The following HBP1 variants were observed in gnomAD, a reference collection of about 807,000 sequenced individuals.
The protein encoded by HBP1 is HMG box-containing protein 1.
HBP1 carries 20 observed loss-of-function variants against 62.6 expected under a neutral mutation model. The ratio of observed to expected loss-of-function variants is 0.32; its 90% CI spans 0.22 to 0.46. HBP1 has a LOEUF of 0.46. HBP1 is among the 20% of genes least tolerant of loss of function. HBP1 has a pLI of 1.00. For synonymous variants in HBP1, 232 were observed against 206.2 expected (o/e 1.12, Z -1.07); for missense variants, 480 against 611.8 (o/e 0.78, Z 2.27).
chr7:107,190,084 ATTTTT>A, intron 7 of HBP1, 84 bp from the exon 8 acceptor site: 1 of 931,972 alleles, frequency 1.1e-6, no homozygotes, highest in Non-Finnish European at 1.6e-6. Context: ...ATAACATTTT[ATTTTT>A]AAGATATAGA....
intron 7 of HBP1, 28 bp downstream of exon 7, chr7:107,189,476 C>T: frequency 6.5e-7 from 1 of 1,546,458 alleles, no homozygotes. Context: ...TTTGTAGTAA[C>T]TTTTTTTAAA....
At chr7:107,194,014 G>A (rs1375001416) in intron 8 of HBP1, among the ~76,000 whole-genome samples, 5 of 152,174 alleles carry the variant, frequency 3.3e-5, no homozygotes, top group East Asian at 1.9e-4. Flanking sequence ...CTAAGCTTAA[G>A]GAATGGCATG....
chr7:107,199,270 C>T (rs1325524371), intron 9 of HBP1, among the ~76,000 whole-genome samples: 3 of 152,004 alleles, frequency 2.0e-5, no homozygotes, highest in Non-Finnish European at 2.9e-5. Flanking sequence ...GATGGGGTGA[C>T]GGGGTTTCAC....
intron 1 of HBP1, among the ~76,000 whole-genome samples, chr7:107,175,278 A>G (rs1386249771): frequency 6.6e-6 from 1 of 152,052 alleles, no homozygotes; most frequent in African/African-American, 2.4e-5. Context: ...TGTACATTGA[A>G]GGTTTGCTTT....
intron 6 of HBP1, among the ~76,000 whole-genome samples, chr7:107,187,356 AATTAT>A (rs1797438687): frequency 6.6e-6 from 1 of 152,326 alleles, no homozygotes; most frequent in Admixed American, 6.5e-5. Flanking sequence ...ATTGAAAGCC[AATTAT>A]ATTAAGTTAC....
intron 9 of HBP1, chr7:107,197,010 G>T (rs1040718473): frequency 6.6e-6 from 1 of 152,180 alleles, no homozygotes; most frequent in Non-Finnish European, 1.5e-5. Flanking sequence ...GTCAACTATG[G>T]ATTGTACGGG....
intron 6 of HBP1, among the ~76,000 whole-genome samples, chr7:107,187,556 A>AAT (rs1797453018): frequency 6.6e-6 from 1 of 152,098 alleles, no homozygotes; most frequent in African/African-American, 2.4e-5. Flanking sequence ...TCTTGTTTTG[A>AAT]TCCTGCTATG....
chr7:107,170,841 T>C (rs748002304), intron 1 of HBP1, among the ~76,000 whole-genome samples: 5 of 151,208 alleles, frequency 3.3e-5, no homozygotes, highest in Non-Finnish European at 7.4e-5. Context: ...TCCGCTATCC[T>C]GTGTGCTTCA....
rs1797157193 is a variant in HBP1, at chr7:107,182,496, TACCAGAAAC to T, written c.294_302del (p.Pro99_Thr101del). On this transcript the variant is annotated inframe_deletion, in exon 3 of 11. Coordinates refer to ENST00000222574, the MANE Select transcript of HBP1 (RefSeq NM_012257.4). ...TCTTGGAACCAAAATACCTCAGACA[TACCAGAAAC>T]TACTTACCGTGAAAATGAGGTGGAC... is the stretch of plus-strand genomic sequence containing the variant. 1.2e-6 allele frequency: 2 copies of T among 1,612,628 alleles called. No homozygotes were observed. Among genetic ancestry groups the T allele is most frequent in the Non-Finnish European group, 1.7e-6 (2 of 1,178,776 alleles).
intron 3 of HBP1, among the ~76,000 whole-genome samples, chr7:107,182,807 G>A (rs1217598690): frequency 1.3e-5 from 2 of 152,032 alleles, no homozygotes; most frequent in Non-Finnish European, 2.9e-5. Flanking sequence ...GTGATAAAGA[G>A]AACCATAGAG....
intron 1 of HBP1, among the ~76,000 whole-genome samples, chr7:107,175,716 C>CTTTT (rs1215594002): frequency 1.5e-5 from 2 of 136,512 alleles, no homozygotes; most frequent in South Asian, 2.3e-4. Context: ...TCCCTCTCTT[C>CTTTT]TTTTTTTTTT....
chr7:107,184,842 AC>A, intron 3 of HBP1, among the ~76,000 whole-genome samples: 1 of 152,260 alleles, frequency 6.6e-6, no homozygotes, highest in East Asian at 1.9e-4. Context: ...GAGTATTAGT[AC>A]AGACATGCAT....
At chr7:107,182,089 G>A (rs181226206) in intron 2 of HBP1, among the ~76,000 whole-genome samples, 10 of 152,158 alleles carry the variant, frequency 6.6e-5, no homozygotes, top group African/African-American at 1.9e-4. Flanking sequence ...AGTCCATATT[G>A]CACACATAAA....
chr7:107,181,802 C>T (rs1026047715), intron 2 of HBP1, among the ~76,000 whole-genome samples: 4 of 151,308 alleles, frequency 2.6e-5, no homozygotes, highest in Non-Finnish European at 4.4e-5. Context: ...CCTTATAGTG[C>T]TTGGTGTGTG....
chr7:107,199,082 T>TATCA (rs1554390564), intron 9 of HBP1, among the ~76,000 whole-genome samples: 4 of 152,116 alleles, frequency 2.6e-5, no homozygotes, highest in South Asian at 2.1e-4. Context: ...AAAAATTGGT[T>TATCA]ATCATTTTAT....
In HBP1 at chr7:107,200,100, T is replaced by G. The variant is rs1265217408; in HGVS notation, c.1386-60T>G. On this transcript the variant is annotated intron_variant, in intron 9 of 10. Transcript: ENST00000222574. ...CATTTTTCTCCTGAAGTAGCAGCAC[T>G]TGACATGAGATTTATGAAAAATGTG... is the stretch of plus-strand genomic sequence containing the variant. 4 of 1,364,266 alleles carry G rather than the reference T, an allele frequency of 2.9e-6. No individual in the cohort carries two copies. In the Admixed American group the frequency reaches 1.0e-4, roughly 35 times the overall value. The allele number at this position is 1,364,266 out of a possible 1,614,324, so 84.5% of individuals were successfully genotyped here. A position where few individuals can be genotyped will look rare whatever the true frequency, so the allele number is the denominator to read the frequency against.
intron 1 of HBP1, among the ~76,000 whole-genome samples, chr7:107,177,115 G>GCAATTT (rs1243068436): frequency 6.6e-6 from 1 of 151,892 alleles, no homozygotes; most frequent in Non-Finnish European, 1.5e-5. Flanking sequence ...CTATGTCTGG[G>GCAATTT]GATAAAAAAA....
chr7:107,198,212 CTTT>C (rs549300447), intron 9 of HBP1, among the ~76,000 whole-genome samples: 1 of 144,704 alleles, frequency 6.9e-6, no homozygotes, highest in African/African-American at 2.5e-5. Flanking sequence ...GCTCAAAAAT[CTTT>C]TTTTTTTTTA....
chr7:107,169,045 G>T lies in HBP1; in HGVS notation c.-156G>T. ...CGGGTTTGGTAAGTAGGAAAGTTTC[G>T]GTTGAGGAGTAAGAGCTGCCGCGGG... On this transcript the variant is annotated 5_prime_UTR_variant, in exon 1 of 11. Coordinates refer to ENST00000222574, the MANE Select transcript of HBP1 (RefSeq NM_012257.4). 2 of 1,288,940 alleles carry T rather than the reference G, an allele frequency of 1.6e-6. No homozygotes were observed. The highest frequency in any genetic ancestry group is 2.0e-6 in the Non-Finnish European group (2 of 988,494). 79.8% of individuals were successfully genotyped at this position (1,288,940 alleles called of 1,614,324 possible).
Sources: allele counts gnomAD v4.1 joint callset (sites outside exome capture counted in the v4.1 genomes callset), GRCh38; gene constraint gnomAD v4.1.1; transcripts MANE v1.5; gene names NCBI Gene and HGNC (gene_info 2026-07-23, HGNC 2026-07-21).